GCFC2: variants seen among roughly 807,000 people sequenced by gnomAD.
GCFC2 encodes GC-rich sequence DNA-binding factor 2.
A neutral mutation model predicts 99.4 loss-of-function variants in GCFC2; 102 were observed. That is an observed-to-expected ratio of 1.03 (90% CI 0.87 to 1.21). The LOEUF is 1.21. Among genes scored for constraint, GCFC2 ranks in the 50% most tolerant of loss-of-function variants. The pLI is 0.00. For synonymous variants in GCFC2, 338 were observed against 316.8 expected, an observed-to-expected ratio of 1.07 and a Z score of -0.71; for missense variants, 973 against 920.9, an observed-to-expected ratio of 1.06 and a Z score of -0.73.
Position 75,687,929 on chromosome 2 carries a change from C to G in GCFC2, c.1588G>C (p.Glu530Gln), listed in dbSNP as rs370757430. 6.2e-7 allele frequency: 1 copy of G among 1,602,524 alleles called. No homozygotes were observed. Among genetic ancestry groups the G allele is most frequent in the African/African-American group, 1.3e-5 (1 of 74,382 alleles). The change falls in exon 11 of 17, where the codon GAA becomes CAA. Residue 530 changes from glutamate (E) to glutamine (Q), a missense_variant. Transcript: ENST00000321027. Reference sequence around the variant, plus strand: ...TCTTCCACACTGCTATCCATAAATTCTTCTACAGATTTGAACCATGGCATC... The same window carrying G: ...TCTTCCACACTGCTATCCATAAATTGTTCTACAGATTTGAACCATGGCATC... Reference protein sequence around the residue: ...KEMPWFKSVEEFMDSSVEDSK... With the variant: ...KEMPWFKSVEQFMDSSVEDSK...
At chr2:75,711,024 C>T (rs1226304051), upstream of GCFC2, 10 of 1,337,598 alleles carry the variant, frequency 7.5e-6, no homozygotes, top group Non-Finnish European at 9.5e-6. Context: ...TGCTTTGGCT[C>T]CCTGGATCTG....
Position 75,673,482 on chromosome 2 carries a change from T to A in GCFC2, c.1851A>T (p.Ala617=), listed in dbSNP as rs749158950. The A allele has an allele frequency of 3.0e-5, 43 of 1,430,758 alleles. No individual in the cohort carries two copies. The East Asian group carries it at 9.3e-4, about 31-fold the overall frequency. The allele number at this position is 1,430,758 out of a possible 1,614,324, so 88.6% of individuals were successfully genotyped here. ...GAGGAATAAAAACATCATCTTCTACTGCCTTTTTCATTCTTGAAACAATGG... is the reference window on the plus strand; with the variant it reads ...GAGGAATAAAAACATCATCTTCTACAGCCTTTTTCATTCTTGAAACAATGG... The part of the protein sequence containing the change: ...LKSIVSRMKK[A]VEDDVFIPLY... Residue 617 remains alanine (A), a synonymous_variant, in exon 13 of 17, where the codon GCA becomes GCT. Transcript: ENST00000321027.
At chr2:75,676,272 T>C (rs548511809) in intron 12 of GCFC2, among the ~76,000 whole-genome samples, 1 of 152,360 alleles carries the variant, frequency 6.6e-6, no homozygotes, top group African/African-American at 2.4e-5. Flanking sequence ...AACCATTTGC[T>C]GATAGGGGAT....
At chr2:75,705,687 T>G (rs1414747981) in intron 2 of GCFC2, among the ~76,000 whole-genome samples, 1 of 151,886 alleles carries the variant, frequency 6.6e-6, no homozygotes, top group East Asian at 1.9e-4. Context: ...AAAATATATT[T>G]TAATAATTTT....
intron 4 of GCFC2, among the ~76,000 whole-genome samples, chr2:75,696,816 C>T (rs138740938): frequency 2.0e-5 from 3 of 151,870 alleles, no homozygotes; most frequent in South Asian, 2.1e-4. Flanking sequence ...GATGGAGTCT[C>T]GTTCTGTTGC....
chr2:75,668,097 C>T (rs1381049017), intron 15 of GCFC2, among the ~76,000 whole-genome samples: 1 of 152,168 alleles, frequency 6.6e-6, no homozygotes, highest in Non-Finnish European at 1.5e-5. Flanking sequence ...AATGCGAAAA[C>T]AAACCCATTA....
intron 11 of GCFC2, among the ~76,000 whole-genome samples, chr2:75,680,714 ATCTC>A (rs777656711): frequency 1.3e-5 from 2 of 152,120 alleles, no homozygotes; most frequent in Admixed American, 6.5e-5. Context: ...CCTCTCCGTT[ATCTC>A]TCTCTCAGTT....
Position 75,670,274 on chromosome 2 carries a change from T to C in GCFC2, c.1967A>G (p.Asn656Ser), listed in dbSNP as rs969830673. 4 of 1,600,978 alleles carry C rather than the reference T, an allele frequency of 2.5e-6. No individual in the cohort carries two copies. Among genetic ancestry groups the C allele is most frequent in the Admixed American group, 3.3e-5 (2 of 59,868 alleles). ...AAGGAGTCCATTCCAAAGAAGAATA[T>C]TGCGGAAGAGCTAAAATAAAATATC... Reference protein sequence around the residue: ...QFWSGLKLFRNILLWNGLLTD... With the variant: ...QFWSGLKLFRSILLWNGLLTD... The change falls in exon 15 of 17, where the codon AAT (asparagine) becomes AGT (serine). Residue 656 changes from asparagine to serine, a missense_variant. Transcript: ENST00000321027.
chr2:75,708,052 T>C (rs1680951559), intron 1 of GCFC2, among the ~76,000 whole-genome samples: 1 of 152,220 alleles, frequency 6.6e-6, no homozygotes, highest in South Asian at 2.1e-4. Flanking sequence ...AAAGCATTTG[T>C]GTGACTGAGT....
At chr2:75,671,228 A>G (rs1210713783) in intron 14 of GCFC2, among the ~76,000 whole-genome samples, 1 of 152,060 alleles carries the variant, frequency 6.6e-6, no homozygotes, top group African/African-American at 2.4e-5. Context: ...TTCTGTTAGT[A>G]TTTCCCGAGG....
chr2:75,690,256 T>C (rs1481282885), intron 8 of GCFC2, among the ~76,000 whole-genome samples, 175 bp from the exon 9 acceptor site: 1 of 152,190 alleles, frequency 6.6e-6, no homozygotes, highest in Non-Finnish European at 1.5e-5. Context: ...TTGACATTTT[T>C]AGTTTCATTA....
intron 16 of GCFC2, among the ~76,000 whole-genome samples, chr2:75,665,458 C>A (rs970557036): frequency 6.6e-6 from 1 of 152,062 alleles, no homozygotes; most frequent in African/African-American, 2.4e-5. Context: ...CCGGCCAAAT[C>A]TGGGCTTAAA....
At chr2:75,689,334 T>C (rs2104334973) in intron 9 of GCFC2, 109 bp from the exon 10 acceptor site, 5 of 581,810 alleles carry the variant, frequency 8.6e-6, no homozygotes, top group Non-Finnish European at 1.2e-5. Flanking sequence ...AAATTTGTCC[T>C]TTTATATTAA....
chr2:75,706,385 GC>G, intron 2 of GCFC2, 137 bp downstream of exon 2: 1 of 589,286 alleles, frequency 1.7e-6, no homozygotes, highest in Non-Finnish European at 3.0e-6. Flanking sequence ...ATAAAAATGA[GC>G]AATTTTGGCA....
chr2:75,699,638 G>A lies in GCFC2; in HGVS notation c.717+1552C>T, dbSNP rs756697790. On this transcript the variant is annotated intron_variant, in intron 4 of 16. Coordinates refer to ENST00000321027, the MANE Select transcript of GCFC2 (RefSeq NM_003203.5). ...GTTGCCCAGACTGGAGTGCAGTGGT[G>A]TGATCATAGCTCACTGCACCCAGAA... Among the ~76,000 whole-genome samples the A allele has an allele frequency of 5.9e-5, 9 of 152,156 alleles. No homozygotes were observed. The East Asian group carries it at 1.4e-3, about 23-fold the overall frequency.
chr2:75,708,768 T>C (rs2901685), intron 1 of GCFC2, among the ~76,000 whole-genome samples: 75,787 of 151,674 alleles, frequency 0.5, 20,492 homozygotes, highest in African/African-American at 0.73. Context: ...CTCGGCCTCC[T>C]AAAGTGCTGG....
chr2:75,691,091 C>G (rs1680047035), intron 7 of GCFC2, among the ~76,000 whole-genome samples: 1 of 152,168 alleles, frequency 6.6e-6, no homozygotes, highest in Admixed American at 6.5e-5. Flanking sequence ...CCCCCCTAAT[C>G]TGCAGGGGAC....
Position 75,690,732 on chromosome 2 carries a change from A to G in GCFC2, c.1145-13T>C. The stretch of plus-strand genomic sequence containing the variant: ...GTCTCATCTTTGCCTGTTAATAAAT[A>G]AAATTGACTTCATACTACAAATTCT... On this transcript the variant is annotated splice_polypyrimidine_tract_variant and intron_variant, in intron 7 of 16. Coordinates refer to ENST00000321027, the MANE Select transcript of GCFC2 (RefSeq NM_003203.5). 1 of 1,330,944 alleles carries G rather than the reference A, an allele frequency of 7.5e-7. No homozygotes were observed. The highest frequency in any genetic ancestry group is 1.1e-6 in the Non-Finnish European group (1 of 939,826). 82.4% of individuals were successfully genotyped at this position (1,330,944 alleles called of 1,614,324 possible). A position where few individuals can be genotyped will look rare whatever the true frequency, so the allele number is the denominator to read the frequency against.
rs73936774 is a variant in GCFC2 at position 75,668,938 on chromosome 2, C to G, written c.2103+1200G>C. ...GCACTGCATACAGTGAATGGTGCCC[C>G]TGCAATGATGGAACTGTTGTTTTCC... is the stretch of plus-strand genomic sequence containing the variant. On this transcript the variant is annotated intron_variant, in intron 15 of 16. Transcript: ENST00000321027. Among the ~76,000 whole-genome samples, 1,362 of 152,262 alleles carry G rather than the reference C, an allele frequency of 8.9e-3. 15 individuals carry two copies. The highest frequency in any genetic ancestry group is 0.031 in the African/African-American group (1,277 of 41,548).
Sources: allele counts gnomAD v4.1 joint callset (sites outside exome capture counted in the v4.1 genomes callset), GRCh38; gene constraint gnomAD v4.1.1; transcripts MANE v1.5; gene names NCBI Gene and HGNC (gene_info 2026-07-23, HGNC 2026-07-21).